Variants in AGBL1 observed in about 807,000 individuals in gnomAD.
The protein encoded by AGBL1 is cytosolic carboxypeptidase 4.
In AGBL1, 130 loss-of-function variants were observed where a neutral mutation model predicts 118.9. That is an observed-to-expected ratio of 1.09 (90% CI 0.95 to 1.26). The LOEUF is 1.26. Among genes scored for constraint, AGBL1 ranks in the 50% most tolerant of loss-of-function variants. AGBL1 has a pLI of 0.00. For missense variants in AGBL1, 1,584 were observed against 1,298.1 expected, an observed-to-expected ratio of 1.22 and a Z score of -3.38; for synonymous variants, 555 against 478.9, an observed-to-expected ratio of 1.16 and a Z score of -2.08.
Position 86,815,766 on chromosome 15 carries a change from T to A in AGBL1, c.3159-91321T>A, listed in dbSNP as rs141806394. ...AGCTCTAAGTAACACTCTATCCCCG[T>A]CCTCTCCTCTTCTACCTCCCAGAAT... On this transcript the variant is annotated intron_variant, in intron 22 of 22. Coordinates refer to ENST00000614907, the MANE Select transcript of AGBL1 (RefSeq NM_001386094.1). Among the ~76,000 whole-genome samples the A allele has an allele frequency of 3.0e-3, 454 of 152,210 alleles. 1 individual carries two copies. Among genetic ancestry groups the A allele is most frequent in the Non-Finnish European group, 4.8e-3 (325 of 68,006 alleles).
chr15:86,967,323 T>G (rs1433675529), intron 23 of AGBL1, among the ~76,000 whole-genome samples: 3 of 152,172 alleles, frequency 2.0e-5, no homozygotes, highest in Non-Finnish European at 4.4e-5. Context: ...AGAAGCTCTT[T>G]AGTTTAATTA....
chr15:86,977,431 TA>T (rs1389008042), intron 23 of AGBL1, among the ~76,000 whole-genome samples: 21 of 151,728 alleles, frequency 1.4e-4, no homozygotes, highest in African/African-American at 4.3e-4. Context: ...TTTTTATAGA[TA>T]AAAAGAACTC....
chr15:86,780,102 A>T (rs896938082), intron 22 of AGBL1, among the ~76,000 whole-genome samples: 1 of 152,136 alleles, frequency 6.6e-6, no homozygotes, highest in Non-Finnish European at 1.5e-5. Flanking sequence ...TTAAACCTCT[A>T]TTGTCTTACC....
chr15:86,903,983 G>A (rs554515603), intron 22 of AGBL1, among the ~76,000 whole-genome samples: 137 of 135,870 alleles, frequency 1.0e-3, no homozygotes, highest in African/African-American at 3.8e-3. Context: ...CCCGCATGAG[G>A]GAGATGGGGG....
intron 22 of AGBL1, among the ~76,000 whole-genome samples, chr15:86,692,245 G>A (rs533384315): frequency 6.6e-6 from 1 of 151,956 alleles, no homozygotes; most frequent in African/African-American, 2.4e-5. Flanking sequence ...AATTGTTCTC[G>A]AATCAGTCCA....
intron 22 of AGBL1, among the ~76,000 whole-genome samples, chr15:86,801,434 C>T (rs2078649142): frequency 6.6e-6 from 1 of 151,910 alleles, no homozygotes; most frequent in African/African-American, 2.4e-5. Flanking sequence ...TGTGTTGCTT[C>T]ATGATGAGAG....
intron 22 of AGBL1, among the ~76,000 whole-genome samples, chr15:86,698,631 G>C (rs1324271614): frequency 6.8e-6 from 1 of 146,694 alleles, no homozygotes; most frequent in Non-Finnish European, 1.5e-5. Flanking sequence ...TTTTTAAAAA[G>C]AGACCAACAG....
intron 22 of AGBL1, among the ~76,000 whole-genome samples, chr15:86,738,877 G>A (rs536134014): frequency 2.6e-5 from 4 of 152,172 alleles, no homozygotes; most frequent in Admixed American, 2.6e-4. Context: ...GGTGGCTCAC[G>A]CCTGTAATCT....
At chr15:86,299,947 G>C (rs1450930076) in intron 17 of AGBL1, 8 of 152,088 alleles carry the variant, frequency 5.3e-5, no homozygotes. Flanking sequence ...AAAGAAGAAT[G>C]ATTCTACCTT....
chr15:86,670,195 T>C (rs1028214440), intron 21 of AGBL1, among the ~76,000 whole-genome samples: 2 of 152,086 alleles, frequency 1.3e-5, no homozygotes, highest in African/African-American at 4.8e-5. Context: ...GAAGTGACGT[T>C]ACCATGTCAA....
intron 21 of AGBL1, among the ~76,000 whole-genome samples, chr15:86,662,224 A>G (rs536803797): frequency 2.6e-5 from 4 of 152,242 alleles, no homozygotes; most frequent in Non-Finnish European, 5.9e-5. Context: ...ATATTCTGCT[A>G]TGCCTCTGTG....
At chr15:86,833,571 TA>T (rs1402816910) in intron 22 of AGBL1, among the ~76,000 whole-genome samples, 1 of 152,146 alleles carries the variant, frequency 6.6e-6, no homozygotes, top group African/African-American at 2.4e-5. Flanking sequence ...TAGGTCCAAT[TA>T]AACTTCCTTT....
chr15:86,532,478 A>G (rs1287039402), intron 19 of AGBL1, among the ~76,000 whole-genome samples: 10 of 119,674 alleles, frequency 8.4e-5, no homozygotes, highest in African/African-American at 6.8e-5. Flanking sequence ...AACAAATGGA[A>G]GAACATTCCA....
chr15:86,296,049 C>CACAA, intron 17 of AGBL1: 1 of 152,138 alleles, frequency 6.6e-6, no homozygotes, highest in East Asian at 1.9e-4. Flanking sequence ...CATGTGTAGA[C>CACAA]ACAAACATAT....
At chr15:86,571,025 G>A (rs2083999101) in intron 21 of AGBL1, among the ~76,000 whole-genome samples, 1 of 152,176 alleles carries the variant, frequency 6.6e-6, no homozygotes, top group Admixed American at 6.5e-5. Context: ...GCTATAGGGT[G>A]GGCAGCTCCA....
At chr15:86,601,456 A>G (rs184473474) in intron 21 of AGBL1, among the ~76,000 whole-genome samples, 39 of 152,338 alleles carry the variant, frequency 2.6e-4, no homozygotes, top group Admixed American at 1.1e-3. Context: ...GAATTTCACA[A>G]AAATGTGGCT....
At position 86,544,460 on chromosome 15, in the gene AGBL1, A is replaced by G. The variant is rs956840045; in HGVS notation, c.2686-1542A>G. 2.0e-5 allele frequency among the ~76,000 whole-genome samples: 3 copies of G among 152,216 alleles called. 1 individual carries two copies. The highest frequency in any genetic ancestry group is 4.1e-4 in the South Asian group (2 of 4,834). Reference sequence around the variant, plus strand: ...CTGTTCTTATGCTGCTAATAAAGACATACGTGAGACTAGGTAATTTGTAAA... The same window carrying G: ...CTGTTCTTATGCTGCTAATAAAGACGTACGTGAGACTAGGTAATTTGTAAA... On this transcript the variant is annotated intron_variant, in intron 19 of 22. Coordinates refer to ENST00000614907, the MANE Select transcript of AGBL1 (RefSeq NM_001386094.1).
chr15:86,235,146 C>T lies in AGBL1; in HGVS notation c.526+10195C>T, dbSNP rs543604556. ...GGGCTGTGGGCAATTTGCTGACCCCCTACTTTAGACTATGTGAGCCTCGGA... is the reference window on the plus strand; with the variant it reads ...GGGCTGTGGGCAATTTGCTGACCCCTTACTTTAGACTATGTGAGCCTCGGA... On this transcript the variant is annotated intron_variant, in intron 6 of 22. Transcript: ENST00000614907. Among the ~76,000 whole-genome samples, 20 of 152,266 alleles carry T rather than the reference C, an allele frequency of 1.3e-4. No homozygotes were observed. The South Asian group carries it at 4.1e-3, about 32-fold the overall frequency.
intron 17 of AGBL1, among the ~76,000 whole-genome samples, chr15:86,379,333 T>G (rs1054883367): frequency 4.6e-5 from 7 of 152,218 alleles, no homozygotes; most frequent in African/African-American, 9.7e-5. Flanking sequence ...CATAAATTAA[T>G]ACGATAATAT....
Sources: gnomAD v4.1 joint callset for allele counts (sites outside exome capture counted in the v4.1 genomes callset) on GRCh38, gnomAD v4.1.1 for gene constraint, MANE v1.5 for transcripts, NCBI Gene and HGNC (gene_info 2026-07-23, HGNC 2026-07-21) for gene names.